The following ATP2A3 variants were observed in gnomAD, a reference collection of about 807,000 sequenced individuals.
The protein encoded by ATP2A3 is sarcoplasmic/endoplasmic reticulum calcium ATPase 3.
In ATP2A3, 61 loss-of-function variants were observed where a neutral mutation model predicts 106.8. That is an observed-to-expected ratio of 0.57 (90% confidence interval 0.46 to 0.71). The LOEUF (loss-of-function observed/expected upper bound fraction) is 0.71, where lower values mean the gene tolerates loss of function less well. Ranked by LOEUF, ATP2A3 falls within the 30% of genes least tolerant of loss-of-function variation. The pLI, the probability that ATP2A3 is intolerant of heterozygous loss-of-function variation, is 0.00. For missense variants in ATP2A3, 1,201 were observed against 1,423.5 expected, an observed-to-expected ratio of 0.84 and a Z score of 2.52; for synonymous variants, 611 against 609.3, an observed-to-expected ratio of 1.00 and a Z score of -0.04.
At position 3,953,519 on chromosome 17, in the gene ATP2A3, T is replaced by C. The variant is rs925661931; in HGVS notation, c.137-90A>G. On this transcript the variant is annotated intron_variant, in intron 2 of 20. Transcript: ENST00000397041. This position sits in a 1 kb window ranked among gnomAD's most constrained non-coding sequence, Gnocchi z 5.1. ...ATGGCCCGGGAGACCTCCCGGCCCA[T>C]TCCCTCCCTGCACTCAGAAGAGGGA... 4 of 1,519,908 alleles carry C rather than the reference T, an allele frequency of 2.6e-6. No individual in the cohort carries two copies. In the African/African-American group the frequency reaches 5.5e-5, roughly 21 times the overall value. 94.2% of individuals were successfully genotyped at this position (1,519,908 alleles called of 1,614,324 possible).
In ATP2A3 at chr17:3,945,131, C is replaced by T. The variant is rs552059553; in HGVS notation, c.1113G>A (p.Glu371=). ...MSVCRMFVVA[E]ADAGSCLLHE... is the part of the protein sequence containing the mutation. The stretch of plus-strand genomic sequence containing the variant: ...GCAAAAGGCAGGAGCCCGCATCGGC[C>T]TCGGCTACCACGAACATCTGGGGAG... The change falls in exon 9 of 21, where the codon GAG becomes GAA. Residue 371 remains glutamate, a synonymous_variant. Transcript: ENST00000397041. The T allele has an allele frequency of 3.9e-6, 6 of 1,548,056 alleles. No individual in the cohort carries two copies. The highest frequency in any genetic ancestry group is 5.2e-6 in the Non-Finnish European group (6 of 1,145,868).
In ATP2A3 at chr17:3,958,885, C is replaced by T. The variant is rs71368156; in HGVS notation, c.119-5175G>A. Among the ~76,000 whole-genome samples the T allele has an allele frequency of 3.8e-3, 406 of 107,782 alleles. 26 individuals carry two copies. The highest frequency in any genetic ancestry group is 0.02 in the East Asian group (81 of 3,996). The allele number at this position is 107,782 out of a possible 152,430, so 70.7% of individuals were successfully genotyped here. On this transcript the variant is annotated intron_variant, in intron 1 of 20. Transcript: ENST00000397041. Reference sequence around the variant, plus strand: ...ATATATATATACACACACACACACACACATATATATATATTGTTTTTTTTC... The same window carrying T: ...ATATATATATACACACACACACACATACATATATATATATTGTTTTTTTTC...
At chr17:3,960,390 C>T (rs1273772272) in intron 1 of ATP2A3, among the ~76,000 whole-genome samples, 4 of 152,262 alleles carry the variant, frequency 2.6e-5, no homozygotes, top group Non-Finnish European at 5.9e-5. Flanking sequence ...AGCCCTGGGG[C>T]CAAGGCGCTC....
Position 3,928,323 on chromosome 17 carries a change from A to T in ATP2A3, c.2980+340T>A, listed in dbSNP as rs752102267. On this transcript the variant is annotated intron_variant, in intron 20 of 20. Transcript: ENST00000397041. This position sits in a 1 kb window ranked among gnomAD's most constrained non-coding sequence, Gnocchi z 6.1. ...CTGTCCTGAGAAGGCCTGGATAAAG[A>T]CAGGCTGGGTGCAGAGGGGTCAGAG... 2.5e-6 allele frequency: 4 copies of T among 1,612,976 alleles called. No homozygotes were observed. The highest frequency in any genetic ancestry group is 8.5e-7 in the Non-Finnish European group (1 of 1,179,952).
At chr17:3,946,030 G>A (rs911009307) in intron 8 of ATP2A3, among the ~76,000 whole-genome samples, 8 of 145,348 alleles carry the variant, frequency 5.5e-5, no homozygotes, top group Admixed American at 2.1e-4. Flanking sequence ...GGTGGATCAC[G>A]AGGTCAAGCT....
In ATP2A3 at chr17:3,930,580, G is replaced by A. The variant is rs544683606; in HGVS notation, c.2611-146C>T. The A allele has an allele frequency of 4.8e-6, 6 of 1,247,452 alleles. No homozygotes were observed. The South Asian group carries it at 5.2e-5, about 11-fold the overall frequency. 77.3% of individuals were successfully genotyped at this position (1,247,452 alleles called of 1,614,324 possible). On this transcript the variant is annotated intron_variant, in intron 17 of 20. Transcript: ENST00000397041. The surrounding 1 kb of genome is among the most constrained non-coding windows in gnomAD (Gnocchi z 5.4). ...TGCCGTGGGGTGGGCTGGGGATCCC[G>A]GGAGGGGTGCGGGGTCGGGGCGGCG...
chr17:3,951,545 C>T lies in ATP2A3; in HGVS notation c.324+36G>A, dbSNP rs956985221. On this transcript the variant is annotated intron_variant, in intron 4 of 20. Transcript: ENST00000397041. ...AGGGCACTCCTAGTGGCTGGGAGAC[C>T]GCCCCCCGCCCGGTCCCACCCCCAG... The T allele has an allele frequency of 7.4e-6, 10 of 1,351,054 alleles. No homozygotes were observed. The African/African-American group carries it at 7.4e-5, about 10-fold the overall frequency. The allele number at this position is 1,351,054 out of a possible 1,614,324, so 83.7% of individuals were successfully genotyped here.
At chr17:3,931,147 A>T (rs2144270226) in intron 17 of ATP2A3, among the ~76,000 whole-genome samples, 1 of 152,092 alleles carries the variant, frequency 6.6e-6, no homozygotes. Flanking sequence ...CTCAAAAAAA[A>T]AAAAAAATTC....
chr17:3,951,602 GT>G lies in ATP2A3; in HGVS notation c.302del (p.Asn101ThrfsTer19). Reference protein sequence around the residue: ...PLVIMLILVANAIVGVWQERN... With the variant: ...PLVIMLILVAXAIVGVWQERN... ...CCACCTGCCACACGCCCACAATGGC[GT>G]TGGCCACGAGGATCAGCATGATGAC... On this transcript the variant is annotated frameshift_variant, in exon 4 of 21. Transcript: ENST00000397041. LOFTEE classifies it high-confidence loss of function. 6.3e-7 allele frequency: 1 copy of G among 1,587,950 alleles called. No individual in the cohort carries two copies. The highest frequency in any genetic ancestry group is 8.6e-7 in the Non-Finnish European group (1 of 1,164,840).
chr17:3,953,767 G>C lies in ATP2A3; in HGVS notation c.119-57C>G. 3 of 1,551,194 alleles carry C rather than the reference G, an allele frequency of 1.9e-6. No individual in the cohort carries two copies. Among genetic ancestry groups the C allele is most frequent in the Non-Finnish European group, 2.6e-6 (3 of 1,144,698 alleles). On this transcript the variant is annotated intron_variant, in intron 1 of 20. Coordinates refer to ENST00000397041, the MANE Select transcript of ATP2A3 (RefSeq NM_005173.4). The surrounding 1 kb of genome is among the most constrained non-coding windows in gnomAD (Gnocchi z 5.1). ...AGGAGACAAGAGAGGAGTGGGTCAC[G>C]CAGGGGCCTCGGGGGAGTCTGGCAG...
intron 1 of ATP2A3, among the ~76,000 whole-genome samples, chr17:3,963,518 T>C (rs2055254056): frequency 1.3e-5 from 2 of 152,170 alleles, no homozygotes; most frequent in African/African-American, 4.8e-5. Flanking sequence ...CCTCCCTCCC[T>C]CCCCAGAGAT....
At chr17:3,944,950 G>A (rs1279839428) in intron 9 of ATP2A3, 110 bp downstream of exon 9, 16 of 1,321,784 alleles carry the variant, frequency 1.2e-5, no homozygotes, top group Non-Finnish European at 1.5e-5. Context: ...CCCGGGAGAG[G>A]CTCCGCCTCC....
intron 1 of ATP2A3, among the ~76,000 whole-genome samples, chr17:3,960,592 CAG>C (rs1322089471): frequency 1.3e-5 from 2 of 152,238 alleles, no homozygotes; most frequent in Non-Finnish European, 2.9e-5. Flanking sequence ...TCCAGTCCAG[CAG>C]AGGAGATGGG....
Position 3,928,266 on chromosome 17 carries a change from G to A in ATP2A3, c.2980+397C>T, listed in dbSNP as rs2052829918. The A allele has an allele frequency of 1.2e-6, 2 of 1,613,540 alleles. No homozygotes were observed. Among genetic ancestry groups the A allele is most frequent in the Non-Finnish European group, 1.7e-6 (2 of 1,180,034 alleles). ...CGGTGTGGTCTGGGGTCCAAGAGGT[G>A]GTCAGCGGCTGCCTACTCCAGGCCT... is the stretch of plus-strand genomic sequence containing the variant. On this transcript the variant is annotated intron_variant, in intron 20 of 20. Coordinates refer to ENST00000397041, the MANE Select transcript of ATP2A3 (RefSeq NM_005173.4). The surrounding 1 kb of genome is among the most constrained non-coding windows in gnomAD (Gnocchi z 6.1).
chr17:3,934,864 A>C, intron 17 of ATP2A3: 1 of 336,452 alleles, frequency 3.0e-6, no homozygotes, highest in South Asian at 2.8e-5. Context: ...CCCTCTGCCT[A>C]AAGTCCCACC....
chr17:3,940,843 A>C (rs2053721822), intron 14 of ATP2A3, 128 bp downstream of exon 14: 12 of 1,217,418 alleles, frequency 9.9e-6, no homozygotes, highest in Non-Finnish European at 1.2e-5. Context: ...TTTGTATTTG[A>C]ATTTTTTGGT....
At chr17:3,962,893 C>T (rs1212829118) in intron 1 of ATP2A3, among the ~76,000 whole-genome samples, 2 of 152,238 alleles carry the variant, frequency 1.3e-5, no homozygotes, top group African/African-American at 4.8e-5. Flanking sequence ...CCCCAGCCCA[C>T]CCCAGGGTCA....
At chr17:3,934,961 C>G in intron 17 of ATP2A3, 1 of 562,590 alleles carries the variant, frequency 1.8e-6, no homozygotes. Flanking sequence ...GCCTCTTGGT[C>G]CCCGCTAACT....
rs2054175503 is a variant in ATP2A3 at position 3,947,451 on chromosome 17, G to A, written c.1035C>T (p.Thr345=). The A allele has an allele frequency of 1.2e-6, 2 of 1,613,758 alleles. No homozygotes were observed. Among genetic ancestry groups the A allele is most frequent in the African/African-American group, 2.7e-5 (2 of 74,946 alleles). Residue 345 remains threonine (T), a synonymous_variant, in exon 8 of 21, where the codon ACC becomes ACT. Coordinates refer to ENST00000397041, the MANE Select transcript of ATP2A3 (RefSeq NM_005173.4). This position sits in a 1 kb window ranked among gnomAD's most constrained non-coding sequence, Gnocchi z 7.7. ...CCGTCTTGTCGGAGCAGATGACTGA[G>A]GTGCAGCCCAGGGTCTCCACGGACG... ...SLPSVETLGC[T]SVICSDKTGT...
Sources: allele counts gnomAD v4.1 joint callset (sites outside exome capture counted in the v4.1 genomes callset), GRCh38; gene constraint gnomAD v4.1.1; non-coding constraint Gnocchi (gnomAD v3.1); transcripts MANE v1.5; gene names NCBI Gene and HGNC (gene_info 2026-07-23, HGNC 2026-07-21).